The following LYG2 variants were observed in gnomAD, a reference collection of about 807,000 sequenced individuals.
LYG2 encodes the protein lysozyme g-like protein 2.
LYG2 carries 25 observed loss-of-function variants against 22.4 expected under a neutral mutation model. The ratio of observed to expected loss-of-function variants is 1.12; its 90% CI spans 0.81 to 1.56. The LOEUF is 1.56. Among genes scored for constraint, LYG2 ranks in the 40% most tolerant of loss-of-function variants. LYG2 has a pLI of 0.00. For missense variants in LYG2, 266 were observed against 269.5 expected, an observed-to-expected ratio of 0.99 and a Z score of 0.09; for synonymous variants, 88 against 97.0, an observed-to-expected ratio of 0.91 and a Z score of 0.55.
rs371804997 is a variant in LYG2 at position 99,243,891 on chromosome 2, G to A, written c.520+108C>T. On this transcript the variant is annotated intron_variant, in intron 6 of 6. Coordinates refer to ENST00000333017, the MANE Select transcript of LYG2 (RefSeq NM_175735.4). ...GCAGCCTCTAGACAGCTCCTCCCAG[G>A]GCCACTGCTGACCCCGTGGAAATGC... The A allele has an allele frequency of 9.1e-6, 12 of 1,311,658 alleles. No homozygotes were observed. The South Asian group carries it at 1.4e-4, about 16-fold the overall frequency. 81.3% of individuals were successfully genotyped at this position (1,311,658 alleles called of 1,614,324 possible). A position where few individuals can be genotyped will look rare whatever the true frequency, so the allele number is the denominator to read the frequency against.
intron 3 of LYG2, among the ~76,000 whole-genome samples, 165 bp downstream of exon 3, chr2:99,254,053 A>G (rs1163734454): frequency 6.6e-6 from 1 of 152,190 alleles, no homozygotes; most frequent in Non-Finnish European, 1.5e-5. Context: ...AGCAAGCAGA[A>G]CACACTGTTA....
chr2:99,244,349 C>T (rs2105270141), intron 5 of LYG2, among the ~76,000 whole-genome samples: 1 of 151,826 alleles, frequency 6.6e-6, no homozygotes, highest in African/African-American at 2.4e-5. Flanking sequence ...GCTAAACATT[C>T]TAATATACAA....
At chr2:99,253,608 C>T (rs183683364) in intron 3 of LYG2, among the ~76,000 whole-genome samples, 2 of 152,148 alleles carry the variant, frequency 1.3e-5, no homozygotes, top group Admixed American at 1.3e-4. Context: ...TTCCAGCCTT[C>T]CCCCCAGAAA....
At chr2:99,244,475 A>G (rs940568161) in intron 5 of LYG2, among the ~76,000 whole-genome samples, 1 of 152,216 alleles carries the variant, frequency 6.6e-6, no homozygotes, top group Non-Finnish European at 1.5e-5. Context: ...GAAGGCCAGA[A>G]GTCTGTATTT....
chr2:99,256,262 G>A (rs1011600655), upstream of LYG2, among the ~76,000 whole-genome samples: 3 of 152,166 alleles, frequency 2.0e-5, no homozygotes, highest in Non-Finnish European at 2.9e-5. Context: ...TAGAACAGAC[G>A]TCTCTGGCAT....
At chr2:99,251,808 C>T (rs995138177) in intron 3 of LYG2, among the ~76,000 whole-genome samples, 3 of 151,884 alleles carry the variant, frequency 2.0e-5, no homozygotes, top group African/African-American at 7.3e-5. Context: ...TGTGCCAGAG[C>T]TGGTCCTTAT....
chr2:99,260,378 A>G (rs144942595), upstream of LYG2, among the ~76,000 whole-genome samples: 1,650 of 152,328 alleles, frequency 0.011, 9 homozygotes, highest in Middle Eastern at 0.024. Flanking sequence ...GAGTTTTGCA[A>G]CCATCAGCAT....
chr2:99,251,961 A>C (rs2094027555), intron 3 of LYG2, among the ~76,000 whole-genome samples: 2 of 102,632 alleles, frequency 1.9e-5, no homozygotes, highest in African/African-American at 6.4e-5. Context: ...ACACCTGGCT[A>C]ATTTTTTGTA....
chr2:99,247,699 A>T (rs1266468357), intron 3 of LYG2, among the ~76,000 whole-genome samples: 14 of 152,136 alleles, frequency 9.2e-5, no homozygotes, highest in African/African-American at 2.9e-4. Flanking sequence ...CTAGATTAAC[A>T]ATTTGCCTTT....
At chr2:99,244,383 A>C (rs2094012131) in intron 5 of LYG2, among the ~76,000 whole-genome samples, 1 of 152,222 alleles carries the variant, frequency 6.6e-6, no homozygotes, top group Non-Finnish European at 1.5e-5. Context: ...GTTGTTTTGA[A>C]ACAAATAACA....
At chr2:99,250,932 T>G (rs1415148369) in intron 3 of LYG2, among the ~76,000 whole-genome samples, 4 of 152,258 alleles carry the variant, frequency 2.6e-5, no homozygotes, top group African/African-American at 9.6e-5. Context: ...AAGACCTGTA[T>G]ATACTCCTGT....
chr2:99,250,099 ATTC>A (rs1290530004), intron 3 of LYG2, among the ~76,000 whole-genome samples: 3 of 151,694 alleles, frequency 2.0e-5, no homozygotes, highest in African/African-American at 4.8e-5. Flanking sequence ...CTCCAGCCAC[ATTC>A]TTCTTTGTGC....
chr2:99,260,938 C>T, the LYG2 span, among the ~76,000 whole-genome samples: 3 of 152,080 alleles, frequency 2.0e-5, no homozygotes, highest in East Asian at 1.9e-4. Context: ...GTAAAAACTA[C>T]GTGGACTTAG....
At chr2:99,246,416 A>C (rs1217039360) in intron 4 of LYG2, among the ~76,000 whole-genome samples, 2 of 152,200 alleles carry the variant, frequency 1.3e-5, no homozygotes, top group Non-Finnish European at 2.9e-5. Flanking sequence ...CCCAAAAAAC[A>C]AAGCCAGAGT....
At chr2:99,250,271 CA>C (rs1244329775) in intron 3 of LYG2, among the ~76,000 whole-genome samples, 2 of 147,794 alleles carry the variant, frequency 1.4e-5, no homozygotes, top group Non-Finnish European at 3.0e-5. Flanking sequence ...AGTTTATAGA[CA>C]AAAAAAGAAA....
At chr2:99,249,402 A>G (rs1166528248) in intron 3 of LYG2, among the ~76,000 whole-genome samples, 2 of 151,212 alleles carry the variant, frequency 1.3e-5, no homozygotes, top group East Asian at 3.9e-4. Flanking sequence ...CCTGGGCAAC[A>G]GAACAAGACC....
chr2:99,251,989 G>A (rs1230402693), intron 3 of LYG2, among the ~76,000 whole-genome samples: 3 of 85,832 alleles, frequency 3.5e-5, no homozygotes, highest in African/African-American at 7.4e-5. Flanking sequence ...TAGAGATGGT[G>A]TATCACTGTG....
intron 2 of LYG2, among the ~76,000 whole-genome samples, 186 bp downstream of exon 2, chr2:99,254,834 T>C (rs889771584): frequency 2.6e-5 from 4 of 152,280 alleles, no homozygotes; most frequent in African/African-American, 9.6e-5. Flanking sequence ...CATGCCTGGG[T>C]GTTTCCATTC....
At chr2:99,257,149 G>A (rs564386147), upstream of LYG2, among the ~76,000 whole-genome samples, 2 of 152,352 alleles carry the variant, frequency 1.3e-5, no homozygotes, top group Non-Finnish European at 2.9e-5. Flanking sequence ...AGCATTGTCC[G>A]TGGTCTGGAA....
Sources: allele counts gnomAD v4.1 joint callset (sites outside exome capture counted in the v4.1 genomes callset), GRCh38; gene constraint gnomAD v4.1.1; transcripts MANE v1.5; gene names NCBI Gene and HGNC (gene_info 2026-07-23, HGNC 2026-07-21).